The following DGKE variants were observed in gnomAD, a reference collection of about 807,000 sequenced individuals.
DGKE encodes the protein diacylglycerol kinase epsilon.
In DGKE, 53 loss-of-function variants were observed where a neutral mutation model predicts 70.0. The ratio of observed to expected loss-of-function variants is 0.76; its 90% CI spans 0.61 to 0.95. The LOEUF is 0.95. Ranked by LOEUF, DGKE falls within the 40% of genes least tolerant of loss-of-function variation. The pLI, the probability that DGKE is intolerant of heterozygous loss-of-function variation, is 0.00. For synonymous variants in DGKE, 291 were observed against 257.0 expected (o/e 1.13, Z -1.27); for missense variants, 655 against 706.9 (o/e 0.93, Z 0.83).
At chr17:56,845,578 C>A in intron 3 of DGKE, 112 bp from the exon 4 acceptor site, 1 of 1,070,238 alleles carries the variant, frequency 9.3e-7, no homozygotes, top group Non-Finnish European at 1.3e-6. Context: ...ATTGAGAGAA[C>A]TAGTATAGTT....
chr17:56,857,351 C>A (rs1908009758), intron 8 of DGKE, among the ~76,000 whole-genome samples: 1 of 152,110 alleles, frequency 6.6e-6, no homozygotes, highest in Non-Finnish European at 1.5e-5. Context: ...AAAAGAGCAG[C>A]CTGTTTGCCA....
intron 8 of DGKE, among the ~76,000 whole-genome samples, chr17:56,857,538 C>T (rs1033610081): frequency 2.0e-5 from 3 of 152,136 alleles, no homozygotes. Flanking sequence ...GAAATAGTTC[C>T]CTTTTATTAA....
chr17:56,842,186 A>T (rs1345866397), intron 2 of DGKE, among the ~76,000 whole-genome samples: 1 of 152,206 alleles, frequency 6.6e-6, no homozygotes. Flanking sequence ...TAAGTCAAAA[A>T]GTTAAGAGTG....
intron 7 of DGKE, among the ~76,000 whole-genome samples, chr17:56,854,015 C>G (rs1450944033): frequency 6.7e-6 from 1 of 149,430 alleles, no homozygotes; most frequent in African/African-American, 2.5e-5. Context: ...ATCTGTCATT[C>G]TCGGCAACAT....
rs1023029162 is a variant in DGKE, at chr17:56,835,080, C to T, written c.285C>T (p.Asp95=). 1 of 1,613,410 alleles carries T rather than the reference C, an allele frequency of 6.2e-7. No individual in the cohort carries two copies. Among genetic ancestry groups the T allele is most frequent in the Admixed American group, 1.7e-5 (1 of 60,012 alleles). ...GCGACTGCTGCGGGCTCCGCGTGGA[C>T]GAGGGCTGCCTCAGGAAGGCCGACA... is the stretch of plus-strand genomic sequence containing the variant. ...AFCDCCGLRV[D]EGCLRKADKR... is the part of the protein sequence containing the mutation. Residue 95 remains aspartate (D), a synonymous_variant, in exon 2 of 12, where the codon GAC becomes GAT. Coordinates refer to ENST00000284061, the MANE Select transcript of DGKE (RefSeq NM_003647.3).
At chr17:56,859,291 T>C (rs62072709) in intron 9 of DGKE, among the ~76,000 whole-genome samples, 111,102 of 150,548 alleles carry the variant, frequency 0.74, 41,156 homozygotes, top group East Asian at 0.91. Flanking sequence ...CGACGCTGCA[T>C]TCCAGCCTGG....
intron 3 of DGKE, among the ~76,000 whole-genome samples, chr17:56,844,991 A>AT (rs1907197710): frequency 6.6e-6 from 1 of 152,162 alleles, no homozygotes; most frequent in Non-Finnish European, 1.5e-5. Context: ...GGACATTTTA[A>AT]ATTTTTCAAA....
Position 56,834,845 on chromosome 17 carries a change from T to C in DGKE, c.50T>C (p.Phe17Ser), listed in dbSNP as rs1301085394. The change falls in exon 2 of 12, where the codon TTT becomes TCT. Residue 17 changes from phenylalanine to serine, a missense_variant. Coordinates refer to ENST00000284061, the MANE Select transcript of DGKE (RefSeq NM_003647.3). ...CCGGGCTCGCCCTCCGAGGGCCTGTTTGCGGACGGGCACCTGATCTTGTGG... is the reference window on the plus strand; with the variant it reads ...CCGGGCTCGCCCTCCGAGGGCCTGTCTGCGGACGGGCACCTGATCTTGTGG... Reference protein sequence around the residue: ...PAPGSPSEGLFADGHLILWTL... With the variant: ...PAPGSPSEGLSADGHLILWTL... 11 of 1,611,166 alleles carry C rather than the reference T, an allele frequency of 6.8e-6. No homozygotes were observed. Among genetic ancestry groups the C allele is most frequent in the African/African-American group, 2.7e-5 (2 of 74,892 alleles).
In DGKE at chr17:56,862,874, T is replaced by C; in HGVS notation, c.*83T>C. Reference sequence around the variant, plus strand: ...TCCAAAAGTATTAATAGAAATTCTCTATCAGCTATTCAGTCTTAATTTCAC... The same window carrying C: ...TCCAAAAGTATTAATAGAAATTCTCCATCAGCTATTCAGTCTTAATTTCAC... On this transcript the variant is annotated 3_prime_UTR_variant, in exon 12 of 12. Coordinates refer to ENST00000284061, the MANE Select transcript of DGKE (RefSeq NM_003647.3). 1 of 1,229,492 alleles carries C rather than the reference T, an allele frequency of 8.1e-7. No homozygotes were observed. Among genetic ancestry groups the C allele is most frequent in the Non-Finnish European group, 1.1e-6 (1 of 942,218 alleles). 76.2% of individuals were successfully genotyped at this position (1,229,492 alleles called of 1,614,324 possible).
chr17:56,867,602 C>CAA lies in DGKE; in HGVS notation c.*4821_*4822dup, dbSNP rs1159437356. 8 of 136,248 alleles carry CAA rather than the reference C, an allele frequency of 5.9e-5. No homozygotes were observed. The highest frequency in any genetic ancestry group is 2.4e-4 in the South Asian group (1 of 4,208). The allele number at this position is 136,248 out of a possible 1,614,324, so 8.4% of individuals were successfully genotyped here. A position where few individuals can be genotyped will look rare whatever the true frequency, so the allele number is the denominator to read the frequency against. On this transcript the variant is annotated 3_prime_UTR_variant, in exon 12 of 12. Coordinates refer to ENST00000284061, the MANE Select transcript of DGKE (RefSeq NM_003647.3). ...TGGGCAACAGAGCAAGACTCCATCT[C>CAA]AAAAAAAAAAAGGCCGGGCGTGGTG... is the stretch of plus-strand genomic sequence containing the variant.
intron 2 of DGKE, among the ~76,000 whole-genome samples, chr17:56,842,116 T>C (rs986945955): frequency 6.6e-6 from 1 of 152,354 alleles, no homozygotes; most frequent in African/African-American, 2.4e-5. Flanking sequence ...TATCCAGATA[T>C]ATATACATCA....
intron 9 of DGKE, 128 bp from the exon 10 acceptor site, chr17:56,861,663 T>C (rs1196253407): frequency 1.0e-5 from 13 of 1,242,296 alleles, no homozygotes; most frequent in Non-Finnish European, 1.3e-5. Context: ...GAGTGAGAGG[T>C]AGGGAGCATC....
At position 56,861,926 on chromosome 17, in the gene DGKE, C is replaced by T. The variant is rs1908317333; in HGVS notation, c.1412+8C>T. 4 of 1,580,344 alleles carry T rather than the reference C, an allele frequency of 2.5e-6. No individual in the cohort carries two copies. Among genetic ancestry groups the T allele is most frequent in the Admixed American group, 2.0e-5 (1 of 49,412 alleles). ...GACTTACCCTCTAGCCAGGTATGTA[C>T]ATTTGTGGTCTGTTTTTTTATGTCA... is the stretch of plus-strand genomic sequence containing the variant. On this transcript the variant is annotated splice_region_variant and intron_variant, in intron 10 of 11. Coordinates refer to ENST00000284061, the MANE Select transcript of DGKE (RefSeq NM_003647.3).
chr17:56,861,572 G>T (rs986868567), intron 9 of DGKE, among the ~76,000 whole-genome samples: 1 of 152,108 alleles, frequency 6.6e-6, no homozygotes, highest in Non-Finnish European at 1.5e-5. Flanking sequence ...AAATCACGAG[G>T]CTCAACAAAA....
chr17:56,858,145 A>T (rs551481874), intron 8 of DGKE, among the ~76,000 whole-genome samples: 1 of 152,222 alleles, frequency 6.6e-6, no homozygotes, highest in African/African-American at 2.4e-5. Context: ...GGATAATTAA[A>T]CTTAAATGGA....
chr17:56,846,480 ATGG>A (rs1169292046), intron 4 of DGKE, among the ~76,000 whole-genome samples: 1 of 152,178 alleles, frequency 6.6e-6, no homozygotes, highest in African/African-American at 2.4e-5. Flanking sequence ...AAACTGGATG[ATGG>A]TGGTGGTTGT....
At position 56,856,557 on chromosome 17, in the gene DGKE, A is replaced by G; in HGVS notation, c.1144A>G (p.Met382Val). ...TTTTTCTGTTGGACCTGATGCTCTCATGGCTCTCAATTTTCATGCTCATCG... is the reference window on the plus strand; with the variant it reads ...TTTTTCTGTTGGACCTGATGCTCTCGTGGCTCTCAATTTTCATGCTCATCG... ...NYFSVGPDAL[M>V]ALNFHAHREK... The change falls in exon 8 of 12, where the codon ATG becomes GTG. Residue 382 changes from methionine (M) to valine (V), a missense_variant. Transcript: ENST00000284061. 1 of 1,613,928 alleles carries G rather than the reference A, an allele frequency of 6.2e-7. No homozygotes were observed. The highest frequency in any genetic ancestry group is 1.7e-4 in the Middle Eastern group (1 of 6,060).
chr17:56,838,197 C>T (rs140082587), intron 2 of DGKE, among the ~76,000 whole-genome samples: 2 of 152,316 alleles, frequency 1.3e-5, no homozygotes, highest in African/African-American at 4.8e-5. Context: ...ATTAGTAAAA[C>T]AAAGCTGCTG....
At chr17:56,834,684 A>C (rs1436352831) in intron 1 of DGKE, 94 bp from the exon 2 acceptor site, 10 of 1,216,030 alleles carry the variant, frequency 8.2e-6, no homozygotes, top group African/African-American at 1.5e-5. Context: ...AGCCACCTTC[A>C]CTGAGGGCGC....
Sources: allele counts gnomAD v4.1 joint callset (sites outside exome capture counted in the v4.1 genomes callset), GRCh38; gene constraint gnomAD v4.1.1; transcripts MANE v1.5; gene names NCBI Gene and HGNC (gene_info 2026-07-23, HGNC 2026-07-21).